Variants in DAB1 observed in about 807,000 individuals in gnomAD.
The protein encoded by DAB1 is disabled homolog 1.
Under a neutral mutation model 64.6 loss-of-function variants are expected in DAB1, and 15 were observed. The ratio of observed to expected loss-of-function variants is 0.23; its 90% confidence interval spans 0.16 to 0.36. The LOEUF (loss-of-function observed/expected upper bound fraction) is 0.36. Among genes scored for constraint, DAB1 ranks in the 10% least tolerant of loss-of-function variants. The probability of loss-of-function intolerance (pLI) is 1.00; values close to 1 mark genes in which losing one functional copy is unlikely to be tolerated. For missense variants in DAB1, 596 were observed against 706.7 expected, an observed-to-expected ratio of 0.84 and a Z score of 1.78; for synonymous variants, 235 against 251.9, an observed-to-expected ratio of 0.93 and a Z score of 0.64.
intron 7 of DAB1, among the ~76,000 whole-genome samples, chr1:57,516,930 T>A (rs889529823): frequency 2.0e-5 from 3 of 152,214 alleles, no homozygotes; most frequent in African/African-American, 4.8e-5. Context: ...CATGCTTTGG[T>A]AATAGCAAGA....
In DAB1 at chr1:58,449,351, C is replaced by T. The variant is rs537538518; in HGVS notation, n.257+56709G>A. ...GCAGCTGCAAAGTCAGGCTCTGCTG[C>T]TTTTTCTGCCCTTCATAGATGATGT... On this transcript the variant is annotated intron_variant and non_coding_transcript_variant, in intron 3 of 20. Transcript: ENST00000485760. 3.9e-5 allele frequency among the ~76,000 whole-genome samples: 6 copies of T among 152,292 alleles called. No homozygotes were observed. The South Asian group carries it at 1.2e-3, about 32-fold the overall frequency.
chr1:57,068,921 C>T (rs1305576002), intron 8 of DAB1, among the ~76,000 whole-genome samples: 3 of 152,148 alleles, frequency 2.0e-5, no homozygotes, highest in African/African-American at 7.2e-5. Flanking sequence ...TTTAGCTGTA[C>T]TTTCATTCAG....
chr1:57,483,425 G>C (rs1039404755), intron 7 of DAB1, among the ~76,000 whole-genome samples: 18 of 152,098 alleles, frequency 1.2e-4, no homozygotes, highest in African/African-American at 4.3e-4. Context: ...ATTCTCTCTT[G>C]TCTGCTGCCA....
chr1:57,034,575 T>C (rs573487723), intron 9 of DAB1, among the ~76,000 whole-genome samples: 17 of 152,296 alleles, frequency 1.1e-4, no homozygotes, highest in African/African-American at 4.1e-4. Context: ...GTGGGCAACA[T>C]TTAATTGCTT....
At chr1:58,160,338 G>GGCT (rs751841706) in intron 4 of DAB1, among the ~76,000 whole-genome samples, 6 of 152,164 alleles carry the variant, frequency 3.9e-5, no homozygotes, top group Non-Finnish European at 8.8e-5. Context: ...TGTTACCGCA[G>GGCT]GCTGCTCTGG....
intron 3 of DAB1, among the ~76,000 whole-genome samples, chr1:58,387,722 C>CTTTTTTTTTTT (rs35563837): frequency 1.2e-4 from 8 of 65,524 alleles, no homozygotes; most frequent in Non-Finnish European, 2.0e-4. Context: ...CTTTTCTTTT[C>CTTTTTTTTTTT]TTTTTTTTTT....
At chr1:57,998,389 CTTTTTTTTTTT>C (rs3991037) in intron 5 of DAB1, among the ~76,000 whole-genome samples, 1 of 128,802 alleles carries the variant, frequency 7.8e-6, no homozygotes, top group Non-Finnish European at 1.6e-5. Flanking sequence ...TTTTTTCTCT[CTTTTTTTTTTT>C]TTTTTTTTGA....
chr1:58,385,571 C>T (rs1238399144), intron 3 of DAB1, among the ~76,000 whole-genome samples: 1 of 152,194 alleles, frequency 6.6e-6, no homozygotes, highest in African/African-American at 2.4e-5. Flanking sequence ...GAGAATTTTA[C>T]GAAACAGGTG....
intron 1 of DAB1, among the ~76,000 whole-genome samples, chr1:57,848,691 G>A (rs1397372479): frequency 1.3e-5 from 2 of 152,160 alleles, no homozygotes; most frequent in Non-Finnish European, 2.9e-5. Context: ...GCCAAACCAG[G>A]AGCAAAATAA....
chr1:57,671,940 C>T lies in DAB1; in HGVS notation n.552-22275G>A, dbSNP rs1252776578. ...AGCAGGAAATAGGTATTTTATCCAG[C>T]ACCTTGGACAGTGTGTGCCACAGAG... On this transcript the variant is annotated intron_variant and non_coding_transcript_variant, in intron 6 of 20. Transcript: ENST00000485760. Among the ~76,000 whole-genome samples the T allele has an allele frequency of 2.6e-5, 4 of 152,206 alleles. No homozygotes were observed. In the East Asian group the frequency reaches 7.7e-4, roughly 29 times the overall value.
chr1:57,532,588 C>T (rs1442973131), intron 7 of DAB1, among the ~76,000 whole-genome samples: 1 of 152,278 alleles, frequency 6.6e-6, no homozygotes, highest in East Asian at 1.9e-4. Flanking sequence ...CTGTAACTTG[C>T]TTCTATCCTG....
In DAB1 at chr1:57,122,410, A is replaced by G. The variant is rs148905247; in HGVS notation, c.306+14133T>C. The stretch of plus-strand genomic sequence containing the variant: ...CTGGTTTTTAAGGATGGGATTTTAC[A>G]CCCTGTGGAATATTTAGCCTTAGCT... On this transcript the variant is annotated intron_variant, in intron 4 of 14. Transcript: ENST00000371236. Among the ~76,000 whole-genome samples, 668 of 152,258 alleles carry G rather than the reference A, an allele frequency of 4.4e-3. 2 individuals carry two copies. Among genetic ancestry groups the G allele is most frequent in the Non-Finnish European group, 6.9e-3 (472 of 68,016 alleles).
At chr1:57,906,302 C>A (rs972306179) in intron 5 of DAB1, among the ~76,000 whole-genome samples, 1 of 152,278 alleles carries the variant, frequency 6.6e-6, no homozygotes, top group Non-Finnish European at 1.5e-5. Flanking sequence ...ATTTTGAATT[C>A]TTTAATCCTC....
intron 7 of DAB1, among the ~76,000 whole-genome samples, chr1:57,525,764 A>G (rs774909678): frequency 1.3e-5 from 2 of 152,178 alleles, no homozygotes; most frequent in Non-Finnish European, 1.5e-5. Flanking sequence ...ATAAAAATAT[A>G]CACCAGAAAG....
At chr1:58,087,114 C>G (rs1650363872) in intron 5 of DAB1, among the ~76,000 whole-genome samples, 1 of 152,144 alleles carries the variant, frequency 6.6e-6, no homozygotes, top group Non-Finnish European at 1.5e-5. Context: ...ATAATGGAAA[C>G]AATTGCCTGG....
chr1:58,047,527 C>CT (rs1393610251), intron 5 of DAB1, among the ~76,000 whole-genome samples: 1 of 152,192 alleles, frequency 6.6e-6, no homozygotes, highest in Non-Finnish European at 1.5e-5. Context: ...TCCTACTAAT[C>CT]TTTATCATAG....
At chr1:58,126,804 C>A (rs1484126707) in intron 5 of DAB1, among the ~76,000 whole-genome samples, 1 of 151,410 alleles carries the variant, frequency 6.6e-6, no homozygotes, top group Non-Finnish European at 1.5e-5. Flanking sequence ...TTTTTTATGG[C>A]TGCATAGTAT....
chr1:58,268,563 T>C (rs1323622353), intron 4 of DAB1, among the ~76,000 whole-genome samples: 1 of 152,082 alleles, frequency 6.6e-6, no homozygotes, highest in African/African-American at 2.4e-5. Context: ...GTGAATGAGA[T>C]CTGAAATAAT....
intron 1 of DAB1, among the ~76,000 whole-genome samples, chr1:57,846,092 C>T (rs1025888718): frequency 4.6e-5 from 7 of 151,958 alleles, no homozygotes; most frequent in African/African-American, 1.2e-4. Context: ...GAAAATGAGC[C>T]GGTAGTAGTG....
Sources: gnomAD v4.1 joint callset for allele counts (sites outside exome capture counted in the v4.1 genomes callset) on GRCh38, gnomAD v4.1.1 for gene constraint, MANE v1.5 for transcripts, NCBI Gene and HGNC (gene_info 2026-07-23, HGNC 2026-07-21) for gene names.